HHAT: variants seen among roughly 807,000 people sequenced by gnomAD.
HHAT encodes the protein protein-cysteine N-palmitoyltransferase HHAT.
A neutral mutation model predicts 70.8 loss-of-function variants in HHAT; 47 were observed. The ratio of observed to expected loss-of-function variants is 0.66; its 90% CI spans 0.53 to 0.85. The LOEUF is 0.85. Ranked by LOEUF, HHAT falls within the 40% of genes least tolerant of loss-of-function variation. The pLI, the probability that HHAT is intolerant of heterozygous loss-of-function variation, is 0.00. For synonymous variants in HHAT, 228 were observed against 247.6 expected (o/e 0.92, Z 0.74); for missense variants, 609 against 604.8 (o/e 1.01, Z -0.07).
intron 8 of HHAT, among the ~76,000 whole-genome samples, chr1:210,502,576 T>G (rs2094780037): frequency 6.6e-6 from 1 of 152,188 alleles, no homozygotes; most frequent in Non-Finnish European, 1.5e-5. Context: ...GAATCATGCA[T>G]TCATGCATTT....
chr1:210,328,826 C>G (rs540662470), upstream of HHAT: 4 of 401,630 alleles, frequency 1.0e-5, no homozygotes, highest in Non-Finnish European at 1.7e-5. Context: ...CTGGCCCGCC[C>G]CCTGCAGCAG....
At chr1:210,663,367 C>T (rs1678171583) in intron 11 of HHAT, among the ~76,000 whole-genome samples, 1 of 152,138 alleles carries the variant, frequency 6.6e-6, no homozygotes, top group Non-Finnish European at 1.5e-5. Context: ...AGAATCCTGG[C>T]CAGCAACGTT....
At chr1:210,620,026 C>T (rs1013006485) in intron 10 of HHAT, among the ~76,000 whole-genome samples, 6 of 151,956 alleles carry the variant, frequency 3.9e-5, no homozygotes, top group Middle Eastern at 3.2e-3. Context: ...GTATCTAAGC[C>T]ATGAGGATGG....
intron 9 of HHAT, among the ~76,000 whole-genome samples, chr1:210,531,051 A>G (rs2095309724): frequency 6.6e-6 from 1 of 152,226 alleles, no homozygotes; most frequent in African/African-American, 2.4e-5. Flanking sequence ...TATATGGTAT[A>G]GCCTACTGCA....
intron 11 of HHAT, 47 bp downstream of exon 11, chr1:210,623,717 T>G (rs562939458): frequency 1.3e-6 from 2 of 1,583,744 alleles, no homozygotes; most frequent in East Asian, 2.2e-5. Context: ...TTGTTTTCCA[T>G]GTATGCGGAT....
At chr1:210,658,869 A>T (rs1032888410) in intron 11 of HHAT, among the ~76,000 whole-genome samples, 5 of 152,240 alleles carry the variant, frequency 3.3e-5, no homozygotes, top group African/African-American at 1.2e-4. Flanking sequence ...GGCAGAAGCA[A>T]AGATGTTCTT....
chr1:210,370,384 AG>A (rs1488967368), intron 3 of HHAT, among the ~76,000 whole-genome samples: 3 of 151,738 alleles, frequency 2.0e-5, no homozygotes, highest in Non-Finnish European at 4.4e-5. Context: ...TATGTTGGCC[AG>A]GCTGGTCTTG....
At chr1:210,353,155 C>T (rs112382443) in intron 2 of HHAT, among the ~76,000 whole-genome samples, 271 of 152,082 alleles carry the variant, frequency 1.8e-3, no homozygotes, top group African/African-American at 6.1e-3. Context: ...AAGCTGGTCT[C>T]GAATTCCTGA....
chr1:210,396,004 C>T (rs1055478405), intron 4 of HHAT, among the ~76,000 whole-genome samples: 1 of 152,160 alleles, frequency 6.6e-6, no homozygotes, highest in Non-Finnish European at 1.5e-5. Context: ...CAAGTAGAGT[C>T]AGACCCCATT....
At chr1:210,566,036 A>G (rs904886535) in intron 9 of HHAT, among the ~76,000 whole-genome samples, 2 of 152,164 alleles carry the variant, frequency 1.3e-5, no homozygotes, top group African/African-American at 2.4e-5. Context: ...AGATTTGAGT[A>G]GAAATGCACT....
At chr1:210,566,763 C>T (rs1389395236) in intron 9 of HHAT, among the ~76,000 whole-genome samples, 3 of 152,178 alleles carry the variant, frequency 2.0e-5, no homozygotes, top group Non-Finnish European at 4.4e-5. Context: ...CTCCACCACT[C>T]AGTAAAACCC....
intron 10 of HHAT, among the ~76,000 whole-genome samples, chr1:210,604,858 C>G (rs1173417558): frequency 6.6e-6 from 1 of 152,038 alleles, no homozygotes; most frequent in Non-Finnish European, 1.5e-5. Context: ...GCTACAAAAA[C>G]AAATAAAAAT....
At chr1:210,376,387 A>G (rs1474849886) in intron 3 of HHAT, among the ~76,000 whole-genome samples, 1 of 152,048 alleles carries the variant, frequency 6.6e-6, no homozygotes, top group Non-Finnish European at 1.5e-5. Context: ...GTTACATCCA[A>G]GGGTTTTAGC....
At chr1:210,593,362 T>C (rs1329726856) in intron 10 of HHAT, among the ~76,000 whole-genome samples, 1 of 152,148 alleles carries the variant, frequency 6.6e-6, no homozygotes, top group African/African-American at 2.4e-5. Context: ...CCCATCAGTT[T>C]TGGCATGTTG....
At chr1:210,329,152 A>G (rs1369336972) in intron 1 of HHAT, 48 bp downstream of exon 1, 1 of 1,268,844 alleles carries the variant, frequency 7.9e-7, no homozygotes, top group Non-Finnish European at 1.0e-6. Flanking sequence ...TAGATGCTGA[A>G]TTTTCTGCGT....
chr1:210,331,937 C>T (rs781593499), intron 1 of HHAT, among the ~76,000 whole-genome samples: 79 of 152,280 alleles, frequency 5.2e-4, no homozygotes, highest in Middle Eastern at 3.4e-3. Context: ...ACTCAAACTC[C>T]GGCCAGTGAT....
chr1:210,576,145 G>A (rs1657679319), intron 9 of HHAT, among the ~76,000 whole-genome samples: 2 of 152,084 alleles, frequency 1.3e-5, no homozygotes, highest in African/African-American at 4.8e-5. Flanking sequence ...GGATCTGATG[G>A]TGACATTTTT....
intron 7 of HHAT, among the ~76,000 whole-genome samples, chr1:210,443,188 T>C (rs1371268690): frequency 6.6e-6 from 1 of 151,236 alleles, no homozygotes; most frequent in Middle Eastern, 3.4e-3. Context: ...GGCTCTGTTC[T>C]GTTCCATTGA....
At chr1:210,387,422 A>T (rs2091161805) in intron 3 of HHAT, 46 bp from the exon 4 acceptor site, 1 of 1,476,738 alleles carries the variant, frequency 6.8e-7, no homozygotes, top group African/African-American at 1.4e-5. Flanking sequence ...GTTCTGACTC[A>T]GACGTGTACT....
Sources: allele counts gnomAD v4.1 joint callset (sites outside exome capture counted in the v4.1 genomes callset), GRCh38; gene constraint gnomAD v4.1.1; transcripts MANE v1.5; gene names NCBI Gene and HGNC (gene_info 2026-07-23, HGNC 2026-07-21).